The following UXS1 variants were observed in gnomAD, a reference collection of about 807,000 sequenced individuals.
UXS1 encodes the protein UDP-glucuronic acid decarboxylase 1.
In UXS1, 33 loss-of-function variants were observed where a neutral mutation model predicts 62.6. The observed-to-expected ratio is 0.53, with a 90% CI of 0.40 to 0.70. UXS1 has a LOEUF of 0.70. Among genes scored for constraint, UXS1 ranks in the 30% least tolerant of loss-of-function variants. The pLI is 0.00. For missense variants in UXS1, 434 were observed against 556.3 expected (o/e 0.78, Z 2.21); for synonymous variants, 213 against 206.8 (o/e 1.03, Z -0.26).
intron 1 of UXS1, among the ~76,000 whole-genome samples, chr2:106,172,217 A>G (rs1683609893): frequency 6.6e-6 from 1 of 152,198 alleles, no homozygotes; most frequent in African/African-American, 2.4e-5. Context: ...CTGGGTGACA[A>G]GCAGTGGGGG....
chr2:106,177,200 C>T (rs200843701), intron 1 of UXS1, among the ~76,000 whole-genome samples: 47 of 134,584 alleles, frequency 3.5e-4, no homozygotes, highest in Non-Finnish European at 4.1e-4. Context: ...TTTCTTTTTT[C>T]TTTTTTTTTT....
Position 106,164,615 on chromosome 2 carries a change from C to T in UXS1, c.186+121G>A, listed in dbSNP as rs1683100538. 2.1e-5 allele frequency: 15 copies of T among 698,542 alleles called. No homozygotes were observed. In the South Asian group the frequency reaches 3.0e-4, roughly 14 times the overall value. The allele number at this position is 698,542 out of a possible 1,614,324, so 43.3% of individuals were successfully genotyped here. A position where few individuals can be genotyped will look rare whatever the true frequency, so the allele number is the denominator to read the frequency against. On this transcript the variant is annotated intron_variant, in intron 3 of 14. Coordinates refer to ENST00000283148, the MANE Select transcript of UXS1 (RefSeq NM_001253875.2). Reference sequence around the variant, plus strand: ...TAAATAAGGGAGTAATTTTTTGAGACACGGTTGCAAAATCACAGAACAGCA... The same window carrying T: ...TAAATAAGGGAGTAATTTTTTGAGATACGGTTGCAAAATCACAGAACAGCA...
intron 6 of UXS1, chr2:106,138,645 A>T (rs1680854028): frequency 4.1e-6 from 4 of 985,312 alleles, no homozygotes; most frequent in Non-Finnish European, 4.8e-6. Flanking sequence ...CCCAAAGGCC[A>T]TTCCATCTGG....
intron 6 of UXS1, among the ~76,000 whole-genome samples, chr2:106,130,819 T>C (rs1372725376): frequency 3.3e-5 from 5 of 152,182 alleles, no homozygotes; most frequent in Non-Finnish European, 7.3e-5. Context: ...CCCAACACCC[T>C]GAAGCAGGCT....
intron 1 of UXS1, among the ~76,000 whole-genome samples, chr2:106,178,805 G>A (rs1684066807): frequency 1.4e-5 from 2 of 144,778 alleles, no homozygotes; most frequent in African/African-American, 5.1e-5. Flanking sequence ...GCGGCAAGCT[G>A]GGCAGTGTAG....
At chr2:106,150,417 A>C (rs1681913473) in intron 5 of UXS1, among the ~76,000 whole-genome samples, 1 of 152,238 alleles carries the variant, frequency 6.6e-6, no homozygotes, top group African/African-American at 2.4e-5. Context: ...AGGCAAGCTG[A>C]GACCTTGAGG....
intron 6 of UXS1, among the ~76,000 whole-genome samples, chr2:106,142,168 A>G (rs1392622585): frequency 6.6e-6 from 1 of 152,166 alleles, no homozygotes; most frequent in Non-Finnish European, 1.5e-5. Context: ...CACCATGCCC[A>G]GCCAACTTCC....
Position 106,114,474 on chromosome 2 carries a change from G to A in UXS1, c.760-1709C>T, listed in dbSNP as rs949849997. Among the ~76,000 whole-genome samples, 12 of 152,176 alleles carry A rather than the reference G, an allele frequency of 7.9e-5. 1 individual carries two copies. Among genetic ancestry groups the A allele is most frequent in the Non-Finnish European group, 1.6e-4 (11 of 68,040 alleles). On this transcript the variant is annotated intron_variant, in intron 9 of 14. Coordinates refer to ENST00000283148, the MANE Select transcript of UXS1 (RefSeq NM_001253875.2). ...CCCACTTGCATTTAATTGATAAGAT[G>A]AGGAAAGAAAGTGAATGGATGTGGC...
chr2:106,159,984 C>T (rs1682760452), intron 4 of UXS1: 1 of 152,196 alleles, frequency 6.6e-6, no homozygotes, highest in Admixed American at 6.5e-5. Context: ...AACCCTGGGG[C>T]TCCCCCTTGT....
intron 6 of UXS1, among the ~76,000 whole-genome samples, chr2:106,137,738 T>C (rs1680774105): frequency 1.3e-5 from 2 of 151,774 alleles, no homozygotes; most frequent in Non-Finnish European, 2.9e-5. Context: ...GAGGTTGCAG[T>C]GAACCAAGAT....
At chr2:106,148,945 G>A (rs987590801) in intron 5 of UXS1, among the ~76,000 whole-genome samples, 5 of 152,162 alleles carry the variant, frequency 3.3e-5, no homozygotes, top group Admixed American at 2.6e-4. Context: ...TTTCTTGCTC[G>A]CTCTTGTGGG....
At chr2:106,180,637 C>T (rs570667793) in intron 1 of UXS1, among the ~76,000 whole-genome samples, 11 of 152,316 alleles carry the variant, frequency 7.2e-5, no homozygotes, top group Admixed American at 4.6e-4. Context: ...ACATTTCACT[C>T]GAGGTTCTAG....
chr2:106,099,743 G>A (rs559417583), intron 12 of UXS1, among the ~76,000 whole-genome samples: 28 of 152,300 alleles, frequency 1.8e-4, no homozygotes, highest in African/African-American at 6.3e-4. Flanking sequence ...GAGCAGGGGC[G>A]CCTCGGGCCT....
At chr2:106,146,188 G>T (rs182402250) in intron 5 of UXS1, among the ~76,000 whole-genome samples, 2 of 152,230 alleles carry the variant, frequency 1.3e-5, no homozygotes, top group Admixed American at 1.3e-4. Flanking sequence ...GGTTATAGGC[G>T]GTGGGAGTGA....
intron 1 of UXS1, among the ~76,000 whole-genome samples, chr2:106,175,556 C>A (rs988787585): frequency 1.4e-4 from 21 of 152,148 alleles, no homozygotes; most frequent in Non-Finnish European, 2.8e-4. Flanking sequence ...AAAAGATACA[C>A]TATATGATGC....
chr2:106,108,735 G>A (rs1026047948), intron 10 of UXS1, among the ~76,000 whole-genome samples: 1 of 152,146 alleles, frequency 6.6e-6, no homozygotes, highest in Non-Finnish European at 1.5e-5. Flanking sequence ...AGGACCGGCC[G>A]GGGGTGAGGG....
chr2:106,113,405 A>G (rs1319552828), intron 9 of UXS1, among the ~76,000 whole-genome samples: 1 of 152,206 alleles, frequency 6.6e-6, no homozygotes, highest in East Asian at 1.9e-4. Context: ...CTGTTTAAAT[A>G]GTCATCCCTC....
At chr2:106,143,977 A>T (rs1310965705) in intron 6 of UXS1, among the ~76,000 whole-genome samples, 1 of 152,210 alleles carries the variant, frequency 6.6e-6, no homozygotes, top group Non-Finnish European at 1.5e-5. Flanking sequence ...ATCCAGGATC[A>T]TCCTCATTTT....
At chr2:106,163,963 AG>A (rs1322949902) in intron 3 of UXS1, among the ~76,000 whole-genome samples, 1 of 152,202 alleles carries the variant, frequency 6.6e-6, no homozygotes, top group Non-Finnish European at 1.5e-5. Flanking sequence ...CCATCCTACT[AG>A]GAAGAATGTA....
Sources: gnomAD v4.1 joint callset for allele counts (sites outside exome capture counted in the v4.1 genomes callset) on GRCh38, gnomAD v4.1.1 for gene constraint, MANE v1.5 for transcripts, NCBI Gene and HGNC (gene_info 2026-07-23, HGNC 2026-07-21) for gene names.